KCNN3: variants seen among roughly 807,000 people sequenced by gnomAD.
KCNN3 encodes small conductance calcium-activated potassium channel protein 3.
In KCNN3, 16 loss-of-function variants were observed where a neutral mutation model predicts 62.9. The ratio of observed to expected loss-of-function variants is 0.25; its 90% CI spans 0.17 to 0.39. The LOEUF is 0.39. Ranked by LOEUF, KCNN3 falls within the 10% of genes least tolerant of loss-of-function variation. The pLI, the probability that KCNN3 is intolerant of heterozygous loss-of-function variation, is 1.00. For synonymous variants in KCNN3, 370 were observed against 389.2 expected (o/e 0.95, Z 0.58); for missense variants, 599 against 949.4 (o/e 0.63, Z 4.85).
intron 5 of KCNN3, 70 bp downstream of exon 5, chr1:154,725,846 C>T: frequency 1.7e-6 from 2 of 1,162,476 alleles, no homozygotes; most frequent in Non-Finnish European, 2.6e-6. Context: ...CCCGTTGGAC[C>T]ATTTGCTTTC....
At chr1:154,735,030 T>G (rs1700681044) in intron 3 of KCNN3, among the ~76,000 whole-genome samples, 1 of 152,154 alleles carries the variant, frequency 6.6e-6, no homozygotes, top group African/African-American at 2.4e-5. Flanking sequence ...TAGGAAGGCC[T>G]GGAATTCTGG....
intron 7 of KCNN3, among the ~76,000 whole-genome samples, chr1:154,713,068 G>A (rs1700111748): frequency 6.6e-6 from 1 of 152,148 alleles, no homozygotes; most frequent in Non-Finnish European, 1.5e-5. Flanking sequence ...GCAAACCGGT[G>A]TGACCTGGGC....
intron 1 of KCNN3, among the ~76,000 whole-genome samples, chr1:154,842,380 T>C (rs191961706): frequency 1.3e-5 from 2 of 152,248 alleles, no homozygotes; most frequent in Admixed American, 1.3e-4. Context: ...GTGCACCTAT[T>C]GAACATACAG....
chr1:154,719,939 A>G (rs980168302), intron 5 of KCNN3, among the ~76,000 whole-genome samples: 11 of 152,166 alleles, frequency 7.2e-5, no homozygotes, highest in African/African-American at 1.2e-4. Context: ...AATTGGGTAG[A>G]GAGAGAGGAG....
chr1:154,781,799 A>G (rs1278702303), intron 2 of KCNN3, among the ~76,000 whole-genome samples: 1 of 152,240 alleles, frequency 6.6e-6, no homozygotes, highest in Admixed American at 6.5e-5. Context: ...CTCTAGGGAT[A>G]TAGCAAGACA....
At chr1:154,806,907 C>A (rs1034383544) in intron 2 of KCNN3, among the ~76,000 whole-genome samples, 19 of 152,096 alleles carry the variant, frequency 1.2e-4, no homozygotes, top group African/African-American at 4.6e-4. Context: ...ACCAGGGTGC[C>A]CAAGGACTCC....
chr1:154,723,948 C>T (rs533899180), intron 5 of KCNN3, among the ~76,000 whole-genome samples: 20 of 152,192 alleles, frequency 1.3e-4, no homozygotes, highest in Non-Finnish European at 1.8e-4. Context: ...GCAGGGTTCC[C>T]GGCAGGCCTT....
chr1:154,731,028 GGGGACAGCTAT>G (rs1318397573), intron 4 of KCNN3, among the ~76,000 whole-genome samples: 1 of 152,176 alleles, frequency 6.6e-6, no homozygotes, highest in Non-Finnish European at 1.5e-5. Flanking sequence ...CTTCTTGGAT[GGGGACAGCTAT>G]GTGCTGAGAG....
intron 3 of KCNN3, among the ~76,000 whole-genome samples, chr1:154,765,702 CG>C (rs1648226456): frequency 6.7e-6 from 1 of 150,142 alleles, no homozygotes; most frequent in African/African-American, 2.5e-5. Flanking sequence ...AATCTCTGCT[CG>C]CTGCACTCTT....
chr1:154,814,067 G>T, intron 2 of KCNN3, among the ~76,000 whole-genome samples: 1 of 152,254 alleles, frequency 6.6e-6, no homozygotes, highest in East Asian at 1.9e-4. Context: ...GGGCCTCCCA[G>T]AGAGTGGCAG....
chr1:154,781,594 T>TGGA (rs1350791905), intron 2 of KCNN3, among the ~76,000 whole-genome samples: 1 of 152,202 alleles, frequency 6.6e-6, no homozygotes, highest in African/African-American at 2.4e-5. Flanking sequence ...ACCCTTTGAC[T>TGGA]GGAAATCCTT....
chr1:154,811,904 G>A (rs926343026), intron 2 of KCNN3, among the ~76,000 whole-genome samples: 4 of 152,236 alleles, frequency 2.6e-5, no homozygotes, highest in Non-Finnish European at 5.9e-5. Flanking sequence ...GAGTCACTGA[G>A]TCCTACTATG....
Position 154,822,190 on chromosome 1 carries a change from G to A in KCNN3, c.934-6C>T, listed in dbSNP as rs755860167. On this transcript the variant is annotated splice_region_variant and splice_polypyrimidine_tract_variant and intron_variant, in intron 1 of 7. Transcript: ENST00000271915. ...GCCAACGAAAACATGGAGTCCTGCA[G>A]GAACAATGGAGAGAGAGAATTAGGG... 1.9e-6 allele frequency: 3 copies of A among 1,594,978 alleles called. No homozygotes were observed. The South Asian group carries it at 3.3e-5, about 18-fold the overall frequency.
At chr1:154,845,538 G>A (rs1238229166) in intron 1 of KCNN3, among the ~76,000 whole-genome samples, 3 of 152,230 alleles carry the variant, frequency 2.0e-5, no homozygotes, top group Non-Finnish European at 1.5e-5. Context: ...CAGGACCACT[G>A]AGGCCACCTT....
intron 3 of KCNN3, among the ~76,000 whole-genome samples, chr1:154,750,021 G>T (rs1349737247): frequency 6.6e-6 from 1 of 152,220 alleles, no homozygotes; most frequent in Non-Finnish European, 1.5e-5. Flanking sequence ...TGGGATGGGA[G>T]TAGTTTCTCA....
At chr1:154,783,835 G>A (rs181392685) in intron 2 of KCNN3, among the ~76,000 whole-genome samples, 35 of 152,272 alleles carry the variant, frequency 2.3e-4, no homozygotes, top group South Asian at 4.1e-4. Context: ...GGCGTTCAGC[G>A]CTGTCTTATC....
At chr1:154,785,402 T>C (rs1379608536) in intron 2 of KCNN3, among the ~76,000 whole-genome samples, 1 of 151,932 alleles carries the variant, frequency 6.6e-6, no homozygotes, top group Non-Finnish European at 1.5e-5. Flanking sequence ...GTTTGTTTTT[T>C]CCCCAACTGA....
intron 3 of KCNN3, among the ~76,000 whole-genome samples, chr1:154,746,926 C>T (rs1700950636): frequency 6.6e-6 from 1 of 152,146 alleles, no homozygotes; most frequent in Non-Finnish European, 1.5e-5. Context: ...TGCATGGGTC[C>T]CCCCAACGTG....
rs1433064149 is a variant in KCNN3, at chr1:154,704,583, G to C, written c.*3393C>G. 1.3e-5 allele frequency: 2 copies of C among 151,998 alleles called. No individual in the cohort carries two copies. Among genetic ancestry groups the C allele is most frequent in the Non-Finnish European group, 2.9e-5 (2 of 68,022 alleles). 9.4% of individuals were successfully genotyped at this position (151,998 alleles called of 1,614,324 possible). A position where few individuals can be genotyped will look rare whatever the true frequency, so the allele number is the denominator to read the frequency against. On this transcript the variant is annotated 3_prime_UTR_variant, in exon 8 of 8. Coordinates refer to ENST00000271915, the MANE Select transcript of KCNN3 (RefSeq NM_002249.6). Reference sequence around the variant, plus strand: ...TATGGCTTAAGCAATGGCAGGGGTGGGGGTGGTTCTGTATTTCTAATTCAA... The same window carrying C: ...TATGGCTTAAGCAATGGCAGGGGTGCGGGTGGTTCTGTATTTCTAATTCAA...
Sources: gnomAD v4.1 joint callset for allele counts (sites outside exome capture counted in the v4.1 genomes callset) on GRCh38, gnomAD v4.1.1 for gene constraint, MANE v1.5 for transcripts, NCBI Gene and HGNC (gene_info 2026-07-23, HGNC 2026-07-21) for gene names.